DLGAP2: variants seen among roughly 807,000 people sequenced by gnomAD.
The protein encoded by DLGAP2 is disks large-associated protein 2.
Under a neutral mutation model 100.3 loss-of-function variants are expected in DLGAP2, and 26 were observed. The observed-to-expected ratio is 0.26, with a 90% CI of 0.19 to 0.36. The LOEUF (loss-of-function observed/expected upper bound fraction) is 0.36, where lower values mean the gene tolerates loss of function less well. DLGAP2 is among the 10% of genes least tolerant of loss of function. The pLI is 1.00. For missense variants in DLGAP2, 1,858 were observed against 1,453.2 expected (o/e 1.28, Z -4.53); for synonymous variants, 886 against 630.1 (o/e 1.41, Z -6.08).
intron 1 of DLGAP2, among the ~76,000 whole-genome samples, chr8:824,876 GCATTGTC>G (rs1310297930): frequency 6.6e-6 from 1 of 152,118 alleles, no homozygotes; most frequent in Non-Finnish European, 1.5e-5. Flanking sequence ...GGAGCACCCC[GCATTGTC>G]CCCTGGCATC....
rs564082853 is a variant in DLGAP2, at chr8:1,008,795, G to A, written c.73+100829G>A. Among the ~76,000 whole-genome samples the A allele has an allele frequency of 5.1e-4, 78 of 152,302 alleles. 1 individual carries two copies. The highest frequency in any genetic ancestry group is 4.7e-3 in the Admixed American group (72 of 15,308). ...ACCTCCACCTGCTGCATGGTGCTGC[G>A]CCCCCACTGGTGTGCATGGGAACTG... On this transcript the variant is annotated intron_variant, in intron 2 of 14. Transcript: ENST00000637795.
chr8:1,004,157 C>G (rs1186909044), intron 2 of DLGAP2, among the ~76,000 whole-genome samples: 1 of 152,096 alleles, frequency 6.6e-6, no homozygotes, highest in East Asian at 1.9e-4. Context: ...AATTAAAATT[C>G]CCCTAGAATT....
At chr8:1,619,677 G>C (rs1394613614) in intron 6 of DLGAP2, 1 of 152,194 alleles carries the variant, frequency 6.6e-6, no homozygotes. Context: ...TATTATACTT[G>C]TATTGCATGT....
At chr8:1,558,481 A>T (rs116532040) in intron 5 of DLGAP2, among the ~76,000 whole-genome samples, 251 of 152,292 alleles carry the variant, frequency 1.6e-3, no homozygotes, top group African/African-American at 5.7e-3. Context: ...AGGGAGACAC[A>T]TACAAACATG....
chr8:1,103,946 A>T (rs1188583508), intron 2 of DLGAP2, among the ~76,000 whole-genome samples: 1 of 152,204 alleles, frequency 6.6e-6, no homozygotes, highest in East Asian at 1.9e-4. Context: ...CCAGTGATGG[A>T]CCTGGCTGTG....
In DLGAP2 at chr8:1,074,767, C is replaced by T. The variant is rs565822722; in HGVS notation, c.73+166801C>T. ...AAGGCGTGGGTGATTTTTTAGAAGT[C>T]ATCTGGTGTATCGTTTAAGATTATA... On this transcript the variant is annotated intron_variant, in intron 2 of 14. Coordinates refer to ENST00000637795, the MANE Select transcript of DLGAP2 (RefSeq NM_001346810.2). 2.0e-5 allele frequency among the ~76,000 whole-genome samples: 3 copies of T among 152,284 alleles called. No individual in the cohort carries two copies. The East Asian group carries it at 5.8e-4, about 29-fold the overall frequency.
chr8:1,599,802 A>C (rs180677620), intron 6 of DLGAP2, among the ~76,000 whole-genome samples: 355 of 152,286 alleles, frequency 2.3e-3, no homozygotes, highest in African/African-American at 8.3e-3. Context: ...AATACAGCAT[A>C]CTAATGGGCC....
intron 2 of DLGAP2, among the ~76,000 whole-genome samples, chr8:1,101,731 C>A (rs539173178): frequency 9.1e-6 from 1 of 109,960 alleles, no homozygotes; most frequent in Non-Finnish European, 1.9e-5. Flanking sequence ...CACGACACGA[C>A]GATGGGAAGC....
chr8:1,553,335 G>C (rs891051061), intron 5 of DLGAP2, among the ~76,000 whole-genome samples: 1 of 152,154 alleles, frequency 6.6e-6, no homozygotes, highest in Non-Finnish European at 1.5e-5. Flanking sequence ...AAGAGGTTCG[G>C]ACCCTACTCT....
chr8:1,686,095 C>T (rs1347399512), intron 12 of DLGAP2, among the ~76,000 whole-genome samples: 1 of 152,148 alleles, frequency 6.6e-6, no homozygotes, highest in South Asian at 2.1e-4. Context: ...AAAGGAAATT[C>T]ATATGTCAAA....
Position 1,702,548 on chromosome 8 carries a change from A to T in DLGAP2, c.*1142A>T, listed in dbSNP as rs1799603357. On this transcript the variant is annotated 3_prime_UTR_variant, in exon 15 of 15. Coordinates refer to ENST00000637795, the MANE Select transcript of DLGAP2 (RefSeq NM_001346810.2). ...CTATGCAGTATTGCTAAAGTCGAGA[A>T]TATATTCCTTGCCTGTGTTAGACAT... 6.5e-6 allele frequency: 1 copy of T among 152,700 alleles called. No individual in the cohort carries two copies. The highest frequency in any genetic ancestry group is 2.1e-4 in the South Asian group (1 of 4,818). The allele number at this position is 152,700 out of a possible 1,614,324, so 9.5% of individuals were successfully genotyped here.
At chr8:1,539,131 C>T (rs189059495) in intron 4 of DLGAP2, among the ~76,000 whole-genome samples, 4 of 152,154 alleles carry the variant, frequency 2.6e-5, no homozygotes, top group Non-Finnish European at 5.9e-5. Context: ...AGTGATCCAC[C>T]TGCCTCAGCC....
chr8:775,367 C>T (rs1409092200), intron 1 of DLGAP2, among the ~76,000 whole-genome samples: 4 of 150,338 alleles, frequency 2.7e-5, no homozygotes, highest in Non-Finnish European at 1.5e-5. Context: ...ATTGCCCTGG[C>T]CAGAACTTCC....
intron 3 of DLGAP2, among the ~76,000 whole-genome samples, chr8:1,289,440 C>T (rs1053231461): frequency 3.9e-5 from 6 of 152,272 alleles, no homozygotes; most frequent in Middle Eastern, 3.4e-3. Context: ...GTCTATTTTG[C>T]GGGGTTCCCT....
intron 6 of DLGAP2, among the ~76,000 whole-genome samples, chr8:1,590,872 T>C (rs746047090): frequency 6.6e-6 from 1 of 152,138 alleles, no homozygotes; most frequent in Non-Finnish European, 1.5e-5. Flanking sequence ...TCACTGTCAA[T>C]GTCATTACCA....
intron 2 of DLGAP2, among the ~76,000 whole-genome samples, chr8:1,031,833 A>G (rs1281453335): frequency 6.6e-6 from 1 of 152,246 alleles, no homozygotes; most frequent in Non-Finnish European, 1.5e-5. Flanking sequence ...TCTTCAGTGC[A>G]TTAAGCAGAA....
At chr8:1,060,939 T>C (rs1456030831) in intron 2 of DLGAP2, among the ~76,000 whole-genome samples, 1 of 152,228 alleles carries the variant, frequency 6.6e-6, no homozygotes, top group African/African-American at 2.4e-5. Context: ...TGAGTGTGTC[T>C]CCCAGCCTTC....
At chr8:1,629,754 G>A (rs1797597031) in intron 7 of DLGAP2, among the ~76,000 whole-genome samples, 1 of 152,240 alleles carries the variant, frequency 6.6e-6, no homozygotes, top group Non-Finnish European at 1.5e-5. Context: ...CTCATCCGAG[G>A]TGTGAACGTT....
At chr8:1,518,966 T>C (rs912118731) in intron 4 of DLGAP2, among the ~76,000 whole-genome samples, 2 of 152,178 alleles carry the variant, frequency 1.3e-5, no homozygotes, top group Non-Finnish European at 2.9e-5. Context: ...GAGGGTCCTG[T>C]CCATCCCAGG....
Sources: allele counts gnomAD v4.1 joint callset (sites outside exome capture counted in the v4.1 genomes callset), GRCh38; gene constraint gnomAD v4.1.1; transcripts MANE v1.5; gene names NCBI Gene and HGNC (gene_info 2026-07-23, HGNC 2026-07-21).